Variants in ERBB4 observed in about 807,000 individuals in gnomAD.
ERBB4 encodes the protein erb-b2 receptor tyrosine kinase 4, also known as receptor tyrosine-protein kinase erbB-4.
Under a neutral mutation model 158.0 loss-of-function variants are expected in ERBB4, and 42 were observed. The observed-to-expected ratio is 0.27, with a 90% CI of 0.21 to 0.34. The LOEUF (loss-of-function observed/expected upper bound fraction) is 0.34. ERBB4 is among the 10% of genes least tolerant of loss of function. The pLI, the probability that ERBB4 is intolerant of heterozygous loss-of-function variation, is 1.00. For synonymous variants in ERBB4, 583 were observed against 558.7 expected (o/e 1.04, Z -0.61); for missense variants, 1,333 against 1,624.1 (o/e 0.82, Z 3.08).
chr2:212,268,266 T>A (rs1305539068), intron 1 of ERBB4, among the ~76,000 whole-genome samples: 1 of 151,832 alleles, frequency 6.6e-6, no homozygotes, highest in Non-Finnish European at 1.5e-5. Context: ...TCAATTTAGA[T>A]CCTCTGATTT....
intron 1 of ERBB4, among the ~76,000 whole-genome samples, chr2:212,319,935 T>G (rs1452205749): frequency 6.7e-6 from 1 of 150,270 alleles, no homozygotes; most frequent in Non-Finnish European, 1.5e-5. Flanking sequence ...TCTCATCTTT[T>G]CAAGATCTGA....
intron 2 of ERBB4, among the ~76,000 whole-genome samples, chr2:211,965,854 A>C (rs1031580125): frequency 3.0e-4 from 46 of 152,322 alleles, no homozygotes; most frequent in African/African-American, 1.0e-3. Context: ...CTTGTACTAA[A>C]AGAGGAAAGG....
intron 20 of ERBB4, among the ~76,000 whole-genome samples, chr2:211,522,238 T>C (rs1343322834): frequency 6.6e-6 from 1 of 152,126 alleles, no homozygotes; most frequent in Non-Finnish European, 1.5e-5. Context: ...AGAGCAACAT[T>C]AACAGGACTT....
At chr2:211,717,666 T>C (rs1273779421) in intron 7 of ERBB4, among the ~76,000 whole-genome samples, 1 of 144,778 alleles carries the variant, frequency 6.9e-6, no homozygotes, top group Non-Finnish European at 1.5e-5. Context: ...CAGGCTCCAC[T>C]AAAAATACAA....
chr2:211,458,456 G>C (rs908377796), intron 20 of ERBB4, among the ~76,000 whole-genome samples: 1 of 151,926 alleles, frequency 6.6e-6, no homozygotes, highest in Non-Finnish European at 1.5e-5. Flanking sequence ...TAGTAGAGAT[G>C]GGTTTTCACC....
intron 20 of ERBB4, among the ~76,000 whole-genome samples, chr2:211,560,262 C>CTTTTTTTTTTGTTTTTTTTTTTTTT (rs2067350836): frequency 2.2e-5 from 1 of 46,286 alleles, no homozygotes; most frequent in African/African-American, 9.6e-5. Flanking sequence ...TGAAGCTTAG[C>CTTTTTTTTTTGTTTTTTTTTTTTTT]TTTTTTTTTT....
chr2:211,900,013 G>A (rs919159548), intron 3 of ERBB4, among the ~76,000 whole-genome samples: 20 of 152,136 alleles, frequency 1.3e-4, no homozygotes, highest in African/African-American at 4.8e-4. Flanking sequence ...CTAGAGTGCA[G>A]TTTTAATGCC....
chr2:211,500,320 CTT>C (rs2065585574), intron 20 of ERBB4, among the ~76,000 whole-genome samples: 1 of 151,990 alleles, frequency 6.6e-6, no homozygotes, highest in Admixed American at 6.5e-5. Context: ...ATTCTCACTG[CTT>C]TATAGCTAGA....
chr2:212,297,218 A>C (rs1231214555), intron 1 of ERBB4, among the ~76,000 whole-genome samples: 1 of 152,060 alleles, frequency 6.6e-6, no homozygotes, highest in African/African-American at 2.4e-5. Flanking sequence ...GTAGCAATAC[A>C]TAATCCACTT....
At chr2:211,896,596 A>G (rs2079104210) in intron 3 of ERBB4, among the ~76,000 whole-genome samples, 1 of 152,108 alleles carries the variant, frequency 6.6e-6, no homozygotes, top group African/African-American at 2.4e-5. Context: ...GCATAAAATA[A>G]TCTTTTTTGC....
At chr2:211,768,299 A>C (rs1324016313) in intron 4 of ERBB4, among the ~76,000 whole-genome samples, 2 of 152,198 alleles carry the variant, frequency 1.3e-5, no homozygotes, top group Non-Finnish European at 2.9e-5. Context: ...AAGGCCTGGC[A>C]CTGAGTATCT....
intron 25 of ERBB4, among the ~76,000 whole-genome samples, chr2:211,412,324 G>T (rs181108849): frequency 0.017 from 2,512 of 152,202 alleles, 45 homozygotes; most frequent in Non-Finnish European, 0.026. Context: ...GTGGTGGGGG[G>T]TTTTATTTGT....
chr2:211,925,327 C>T (rs2079987007), intron 3 of ERBB4, among the ~76,000 whole-genome samples: 2 of 147,138 alleles, frequency 1.4e-5, no homozygotes, highest in African/African-American at 5.0e-5. Context: ...CTGCTTCTAT[C>T]ATTTTTGAAG....
intron 1 of ERBB4, among the ~76,000 whole-genome samples, chr2:212,204,710 A>AAC (rs1183255089): frequency 4.2e-5 from 3 of 70,924 alleles, no homozygotes; most frequent in Middle Eastern, 5.7e-3. Context: ...CAAAAAAAAC[A>AAC]AAAAAAAAAA....
intron 1 of ERBB4, among the ~76,000 whole-genome samples, chr2:212,164,883 A>C (rs1387140011): frequency 2.6e-5 from 4 of 152,112 alleles, no homozygotes; most frequent in Admixed American, 2.0e-4. Flanking sequence ...TTGAGTGTGT[A>C]TACTATTATT....
chr2:211,798,421 T>C (rs1314605939), intron 3 of ERBB4, among the ~76,000 whole-genome samples: 3 of 152,132 alleles, frequency 2.0e-5, no homozygotes, highest in Non-Finnish European at 4.4e-5. Context: ...TTTTTAACCA[T>C]AGATTTGGCA....
chr2:211,954,064 C>T (rs2080959439), intron 2 of ERBB4, among the ~76,000 whole-genome samples: 1 of 151,974 alleles, frequency 6.6e-6, no homozygotes, highest in African/African-American at 2.4e-5. Context: ...ACTATTTTTA[C>T]ATTTATGCTT....
At position 211,712,186 on chromosome 2, in the gene ERBB4, C is replaced by A; in HGVS notation, c.998-10G>T. The A allele has an allele frequency of 6.2e-7, 1 of 1,613,258 alleles. No homozygotes were observed. Among genetic ancestry groups the A allele is most frequent in the Non-Finnish European group, 8.5e-7 (1 of 1,179,366 alleles). ...CCAATGCCATCACAAGCTGTAGAAA[C>A]AAGACTCAGAGTTAGGGGATTGAGA... On this transcript the variant is annotated splice_polypyrimidine_tract_variant and intron_variant, in intron 8 of 27. Transcript: ENST00000342788.
At chr2:212,246,027 A>G (rs991304999) in intron 1 of ERBB4, among the ~76,000 whole-genome samples, 6 of 152,090 alleles carry the variant, frequency 3.9e-5, no homozygotes, top group African/African-American at 1.4e-4. Flanking sequence ...AAACCTCAGG[A>G]GAGTCTTTAA....
Sources: gnomAD v4.1 joint callset for allele counts (sites outside exome capture counted in the v4.1 genomes callset) on GRCh38, gnomAD v4.1.1 for gene constraint, MANE v1.5 for transcripts, NCBI Gene and HGNC (gene_info 2026-07-23, HGNC 2026-07-21) for gene names.